SAE1: variants seen among roughly 807,000 people sequenced by gnomAD.
The protein encoded by SAE1 is SUMO1 activating enzyme subunit 1, also known as SUMO-activating enzyme subunit 1.
Under a neutral mutation model 40.6 loss-of-function variants are expected in SAE1, and 11 were observed. The observed-to-expected ratio is 0.27, with a 90% confidence interval of 0.17 to 0.45. SAE1 has a LOEUF of 0.45. Among genes scored for constraint, SAE1 ranks in the 20% least tolerant of loss-of-function variants. The probability of loss-of-function intolerance (pLI) is 1.00; values close to 1 mark genes in which losing one functional copy is unlikely to be tolerated. For synonymous variants in SAE1, 155 were observed against 154.3 expected (o/e 1.00, Z -0.03); for missense variants, 373 against 427.3 (o/e 0.87, Z 1.12).
chr19:47,151,206 A>G (rs538803287), intron 3 of SAE1, among the ~76,000 whole-genome samples: 88 of 144,480 alleles, frequency 6.1e-4, no homozygotes, highest in African/African-American at 2.2e-3. Context: ...CTGGAGTGCA[A>G]TTGTGCGATC....
intron 7 of SAE1, among the ~76,000 whole-genome samples, 167 bp downstream of exon 7, chr19:47,197,544 AAAAT>A (rs2058623990): frequency 6.6e-6 from 1 of 152,194 alleles, no homozygotes; most frequent in Admixed American, 6.6e-5. Flanking sequence ...CAATATATAA[AAAAT>A]AAAGAGGGGA....
intron 6 of SAE1, among the ~76,000 whole-genome samples, chr19:47,175,623 A>C (rs921630379): frequency 1.3e-5 from 2 of 152,190 alleles, no homozygotes; most frequent in African/African-American, 4.8e-5. Context: ...CTGTAGTCCC[A>C]GCTACTTGGG....
chr19:47,145,944 T>G (rs1046702673), intron 2 of SAE1, among the ~76,000 whole-genome samples: 12 of 151,898 alleles, frequency 7.9e-5, no homozygotes, highest in African/African-American at 1.7e-4. Context: ...AGGTTTTTTT[T>G]TTTTTTTTTT....
chr19:47,132,882 C>T (rs2058154849), intron 1 of SAE1, among the ~76,000 whole-genome samples: 2 of 143,308 alleles, frequency 1.4e-5, no homozygotes, highest in African/African-American at 5.4e-5. Flanking sequence ...AGAGTGAGGC[C>T]CCGTCTCAAA....
chr19:47,187,022 G>A (rs961833207), intron 6 of SAE1, among the ~76,000 whole-genome samples: 2 of 152,198 alleles, frequency 1.3e-5, no homozygotes, highest in Admixed American at 6.5e-5. Flanking sequence ...AGGGGTGGAG[G>A]GGGGGTGCTC....
chr19:47,165,279 G>A (rs1186785764), intron 5 of SAE1, among the ~76,000 whole-genome samples: 21 of 151,198 alleles, frequency 1.4e-4, no homozygotes, highest in Non-Finnish European at 1.3e-4. Flanking sequence ...TAGTGGAGAC[G>A]GGGTTTCACC....
chr19:47,192,471 A>G (rs972176386), intron 6 of SAE1, among the ~76,000 whole-genome samples: 2 of 151,348 alleles, frequency 1.3e-5, no homozygotes, highest in Non-Finnish European at 2.9e-5. Flanking sequence ...CTGGTCTTGA[A>G]CCCCTGACCT....
At chr19:47,204,186 C>CTT (rs2058671858) in intron 8 of SAE1, among the ~76,000 whole-genome samples, 2 of 143,350 alleles carry the variant, frequency 1.4e-5, no homozygotes, top group Admixed American at 7.5e-5. Flanking sequence ...CAAAGCCCTC[C>CTT]CTTTTTTTTT....
intron 6 of SAE1, among the ~76,000 whole-genome samples, chr19:47,185,071 C>T (rs1309331784): frequency 1.3e-5 from 2 of 151,968 alleles, no homozygotes; most frequent in Admixed American, 6.6e-5. Flanking sequence ...CCACCCGCCT[C>T]GGCCTTCCAA....
At chr19:47,148,058 C>A (rs2058265465) in intron 2 of SAE1, among the ~76,000 whole-genome samples, 1 of 152,102 alleles carries the variant, frequency 6.6e-6, no homozygotes, top group South Asian at 2.1e-4. Flanking sequence ...CCACGCGTGG[C>A]CCTCAACTGT....
chr19:47,193,845 GAAA>G (rs751754287), intron 6 of SAE1, among the ~76,000 whole-genome samples: 1 of 111,098 alleles, frequency 9.0e-6, no homozygotes, highest in Admixed American at 9.3e-5. Flanking sequence ...AAAAAAGAAA[GAAA>G]AGAAAAAGAA....
At chr19:47,182,496 T>TGTGTGTGCGC (rs143321323) in intron 6 of SAE1, among the ~76,000 whole-genome samples, 266 of 146,034 alleles carry the variant, frequency 1.8e-3, no homozygotes, top group African/African-American at 6.2e-3. Flanking sequence ...TGTGTGTGTG[T>TGTGTGTGCGC]GCGCGCACGC....
chr19:47,144,549 A>G (rs1450863239), intron 2 of SAE1, among the ~76,000 whole-genome samples: 1 of 150,936 alleles, frequency 6.6e-6, no homozygotes, highest in Non-Finnish European at 1.5e-5. Context: ...GACACAAAAA[A>G]TTAGCAGGGC....
At chr19:47,170,206 C>CT (rs544845979) in intron 6 of SAE1, among the ~76,000 whole-genome samples, 6 of 151,404 alleles carry the variant, frequency 4.0e-5, no homozygotes, top group East Asian at 1.9e-4. Flanking sequence ...TGAGAAACCT[C>CT]TTTTTTTTTC....
chr19:47,140,673 A>G (rs1311431294), intron 1 of SAE1, among the ~76,000 whole-genome samples: 1 of 150,808 alleles, frequency 6.6e-6, no homozygotes, highest in African/African-American at 2.4e-5. Context: ...GTGTGCACCT[A>G]TAGTCCCAGG....
intron 2 of SAE1, among the ~76,000 whole-genome samples, chr19:47,148,527 CTT>C (rs1287717086): frequency 1.3e-5 from 2 of 151,844 alleles, no homozygotes; most frequent in African/African-American, 2.4e-5. Flanking sequence ...ATTATCCTGT[CTT>C]TGAGGCTCTG....
chr19:47,136,409 A>G (rs925174440), intron 1 of SAE1, among the ~76,000 whole-genome samples: 1 of 151,724 alleles, frequency 6.6e-6, no homozygotes, highest in Non-Finnish European at 1.5e-5. Context: ...AAGTGTTGCA[A>G]TTACAGGCGT....
At chr19:47,177,627 C>T (rs1035694249) in intron 6 of SAE1, among the ~76,000 whole-genome samples, 11 of 152,262 alleles carry the variant, frequency 7.2e-5, no homozygotes, top group Admixed American at 1.3e-4. Context: ...ACCTCAGTTT[C>T]CCAAAGAGGG....
At chr19:47,140,221 C>G (rs1474348120) in intron 1 of SAE1, among the ~76,000 whole-genome samples, 1 of 151,872 alleles carries the variant, frequency 6.6e-6, no homozygotes, top group Admixed American at 6.6e-5. Context: ...ATTCTCTTGC[C>G]TTAGCCTCCC....
Sources: allele counts gnomAD v4.1 joint callset (sites outside exome capture counted in the v4.1 genomes callset), GRCh38; gene constraint gnomAD v4.1.1; transcripts MANE v1.5; gene names NCBI Gene and HGNC (gene_info 2026-07-23, HGNC 2026-07-21).